The following LURAP1L variants were observed in gnomAD, a reference collection of about 807,000 sequenced individuals.
LURAP1L encodes leucine rich adaptor protein 1-like.
A neutral mutation model predicts 13.8 loss-of-function variants in LURAP1L; 12 were observed. The observed-to-expected ratio is 0.87, with a 90% CI of 0.56 to 1.41. LURAP1L has a LOEUF of 1.41. Among genes scored for constraint, LURAP1L ranks in the 40% most tolerant of loss-of-function variants. The pLI, the probability that LURAP1L is intolerant of heterozygous loss-of-function variation, is 0.00. For synonymous variants in LURAP1L, 139 were observed against 119.2 expected (o/e 1.17, Z -1.08); for missense variants, 375 against 292.9 (o/e 1.28, Z -2.04).
chr9:12,789,562 T>C (rs1338640601), intron 1 of LURAP1L, among the ~76,000 whole-genome samples: 1 of 152,208 alleles, frequency 6.6e-6, no homozygotes, highest in Admixed American at 6.5e-5. Context: ...AGGTTCAGAA[T>C]GTCCTCTCTT....
At chr9:12,809,379 C>G (rs1819706667) in intron 1 of LURAP1L, among the ~76,000 whole-genome samples, 1 of 152,156 alleles carries the variant, frequency 6.6e-6, no homozygotes, top group African/African-American at 2.4e-5. Context: ...TTTAAGCTCA[C>G]TGATTCTTTC....
At position 12,821,762 on chromosome 9, in the gene LURAP1L, G is replaced by GAC. The variant is rs143527607; in HGVS notation, c.*4_*5dup. ...TCTGAATACTACTGCTTTGGCTAGT[G>GAC]ACAGTTTTTTGCATGGGACTGGTGT... On this transcript the variant is annotated 3_prime_UTR_variant, in exon 2 of 2. Coordinates refer to ENST00000319264, the MANE Select transcript of LURAP1L (RefSeq NM_203403.2). 46,836 of 1,606,616 alleles carry GAC rather than the reference G, an allele frequency of 0.029. 838 individuals are homozygous for GAC. The highest frequency in any genetic ancestry group is 0.032 in the Non-Finnish European group (38,115 of 1,174,134).
At chr9:12,807,479 C>G (rs930995473) in intron 1 of LURAP1L, among the ~76,000 whole-genome samples, 3 of 152,124 alleles carry the variant, frequency 2.0e-5, no homozygotes, top group Non-Finnish European at 4.4e-5. Flanking sequence ...GATTCTGGCT[C>G]TGCCACTTAA....
In LURAP1L at chr9:12,775,663, G is replaced by C; in HGVS notation, c.-53G>C. The C allele has an allele frequency of 6.6e-7, 1 of 1,521,524 alleles. No homozygotes were observed. The highest frequency in any genetic ancestry group is 1.3e-5 in the South Asian group (1 of 75,534). The allele number at this position is 1,521,524 out of a possible 1,614,324, so 94.3% of individuals were successfully genotyped here. On this transcript the variant is annotated 5_prime_UTR_variant, in exon 1 of 2. Coordinates refer to ENST00000319264, the MANE Select transcript of LURAP1L (RefSeq NM_203403.2). ...TTTCGCAGCAGCCTTCGAAGCCGTG[G>C]CTGCCTTTCATCTGCTGCGTTTTAT...
chr9:12,787,257 A>G (rs1190955123), intron 1 of LURAP1L, among the ~76,000 whole-genome samples: 1 of 152,130 alleles, frequency 6.6e-6, no homozygotes, highest in Non-Finnish European at 1.5e-5. Flanking sequence ...CTGTAATGAT[A>G]GACATATAAT....
At chr9:12,789,526 G>C (rs983132970) in intron 1 of LURAP1L, among the ~76,000 whole-genome samples, 1 of 152,126 alleles carries the variant, frequency 6.6e-6, no homozygotes, top group African/African-American at 2.4e-5. Context: ...GGAGTGATTA[G>C]TGCCCAAGTA....
intron 1 of LURAP1L, among the ~76,000 whole-genome samples, chr9:12,802,506 GA>G (rs1377361569): frequency 6.6e-6 from 1 of 152,168 alleles, no homozygotes; most frequent in Non-Finnish European, 1.5e-5. Flanking sequence ...CTCCATGACA[GA>G]AAGTTTCCTG....
At chr9:12,814,317 T>C (rs1819776262) in intron 1 of LURAP1L, 2 of 152,190 alleles carry the variant, frequency 1.3e-5, no homozygotes, top group South Asian at 4.1e-4. Flanking sequence ...AACACTTCTC[T>C]GGTCTGTGTT....
intron 1 of LURAP1L, among the ~76,000 whole-genome samples, chr9:12,817,320 A>T (rs1819817253): frequency 6.6e-6 from 1 of 152,174 alleles, no homozygotes; most frequent in South Asian, 2.1e-4. Context: ...GATGTTGGAC[A>T]GGTACTAATT....
chr9:12,784,466 G>A (rs142723346), intron 1 of LURAP1L, among the ~76,000 whole-genome samples: 19 of 152,280 alleles, frequency 1.2e-4, no homozygotes, highest in Admixed American at 3.3e-4. Context: ...TAGCACTTTG[G>A]TGGTGTGGGG....
At chr9:12,818,582 G>A (rs1819833426) in intron 1 of LURAP1L, among the ~76,000 whole-genome samples, 1 of 152,216 alleles carries the variant, frequency 6.6e-6, no homozygotes, top group Non-Finnish European at 1.5e-5. Context: ...AGCTATGTTA[G>A]GAGATAAGCT....
chr9:12,809,973 A>G (rs1313386461), intron 1 of LURAP1L, among the ~76,000 whole-genome samples: 1 of 152,144 alleles, frequency 6.6e-6, no homozygotes, highest in Non-Finnish European at 1.5e-5. Flanking sequence ...GAGAAGAGGA[A>G]GTGTTCTCCT....
intron 1 of LURAP1L, among the ~76,000 whole-genome samples, chr9:12,794,326 G>A (rs1260838533): frequency 6.6e-6 from 1 of 151,930 alleles, no homozygotes; most frequent in Non-Finnish European, 1.5e-5. Flanking sequence ...TAAGACAAAT[G>A]GATTCTATTT....
chr9:12,792,468 G>A (rs1819453509), intron 1 of LURAP1L, among the ~76,000 whole-genome samples: 1 of 152,070 alleles, frequency 6.6e-6, no homozygotes, highest in Admixed American at 6.6e-5. Context: ...AGGATACAAT[G>A]ATTAAATAAT....
intron 1 of LURAP1L, among the ~76,000 whole-genome samples, chr9:12,820,988 A>G (rs1819871665): frequency 6.6e-6 from 1 of 152,148 alleles, no homozygotes; most frequent in Non-Finnish European, 1.5e-5. Flanking sequence ...TGACTCCTTA[A>G]TTTGTTCACC....
At chr9:12,798,225 G>A (rs577178385) in intron 1 of LURAP1L, among the ~76,000 whole-genome samples, 1 of 152,238 alleles carries the variant, frequency 6.6e-6, no homozygotes, top group East Asian at 1.9e-4. Context: ...CTGGGCGTCT[G>A]GACATGTCCT....
At chr9:12,803,804 C>T (rs1819619363) in intron 1 of LURAP1L, among the ~76,000 whole-genome samples, 1 of 152,162 alleles carries the variant, frequency 6.6e-6, no homozygotes, top group Admixed American at 6.5e-5. Context: ...TTAATTTCTA[C>T]AGACTAGAGA....
chr9:12,813,512 G>A (rs1377676986), intron 1 of LURAP1L, among the ~76,000 whole-genome samples: 3 of 152,030 alleles, frequency 2.0e-5, no homozygotes, highest in Non-Finnish European at 4.4e-5. Flanking sequence ...TTATGCTACA[G>A]AAATTTAAAA....
chr9:12,808,517 G>T (rs1288691559), intron 1 of LURAP1L, among the ~76,000 whole-genome samples: 1 of 151,910 alleles, frequency 6.6e-6, no homozygotes, highest in Non-Finnish European at 1.5e-5. Context: ...TTTTAGGTTA[G>T]TAGTCTTTTT....
Sources: allele counts gnomAD v4.1 joint callset (sites outside exome capture counted in the v4.1 genomes callset), GRCh38; gene constraint gnomAD v4.1.1; transcripts MANE v1.5; gene names NCBI Gene and HGNC (gene_info 2026-07-23, HGNC 2026-07-21).